Variants in OAT observed in about 807,000 individuals in gnomAD.
The protein encoded by OAT is ornithine aminotransferase, mitochondrial.
Under a neutral mutation model 48.4 loss-of-function variants are expected in OAT, and 35 were observed. The ratio of observed to expected loss-of-function variants is 0.72; its 90% CI spans 0.55 to 0.96. The LOEUF is 0.96. OAT is among the 40% of genes least tolerant of loss of function. The pLI, the probability that OAT is intolerant of heterozygous loss-of-function variation, is 0.00. For synonymous variants in OAT, 182 were observed against 198.4 expected, an observed-to-expected ratio of 0.92 and a Z score of 0.70; for missense variants, 438 against 537.9, an observed-to-expected ratio of 0.81 and a Z score of 1.84.
intron 1 of OAT, among the ~76,000 whole-genome samples, chr10:124,417,553 G>A (rs926175716): frequency 6.6e-6 from 1 of 152,096 alleles, no homozygotes; most frequent in African/African-American, 2.4e-5. Flanking sequence ...CCATAATACT[G>A]GGATTACACA....
chr10:124,403,031 G>C lies in OAT; in HGVS notation c.796C>G (p.Gln266Glu). The change falls in exon 7 of 10, where the codon CAG becomes GAG. Residue 266 changes from glutamine (Q) to glutamate (E), a missense_variant. Transcript: ENST00000368845. ...CTACCAGTTCTGGCCAATCCTGTCTGTATTTCATCAGCAATAAAGAGAACC... is the reference window on the plus strand; with the variant it reads ...CTACCAGTTCTGGCCAATCCTGTCTCTATTTCATCAGCAATAAAGAGAACC... ...HQVLFIADEIQTGLARTGRWL... is the reference protein window; with the variant it reads ...HQVLFIADEIETGLARTGRWL... 1 of 1,614,018 alleles carries C rather than the reference G, an allele frequency of 6.2e-7. No homozygotes were observed. Among genetic ancestry groups the C allele is most frequent in the Non-Finnish European group, 8.5e-7 (1 of 1,180,010 alleles).
chr10:124,412,881 G>A (rs1050718282), intron 1 of OAT, among the ~76,000 whole-genome samples: 4 of 152,164 alleles, frequency 2.6e-5, no homozygotes, highest in African/African-American at 9.7e-5. Flanking sequence ...TATTTGTTAA[G>A]CACCTACCAC....
intron 6 of OAT, 74 bp downstream of exon 6, chr10:124,403,724 G>A: frequency 2.5e-6 from 4 of 1,595,652 alleles, no homozygotes; most frequent in African/African-American, 1.3e-5. Flanking sequence ...AGGAGTTGGG[G>A]AGGAGCCCAT....
At chr10:124,408,337 ATATATATTT>A (rs376040884) in intron 4 of OAT, among the ~76,000 whole-genome samples, 196 bp downstream of exon 4, 1,593 of 103,352 alleles carry the variant, frequency 0.015, 32 homozygotes, top group African/African-American at 0.046. Context: ...ATATATATAT[ATATATATTT>A]TTTTTTTTTT....
At chr10:124,417,283 C>CA (rs1951947569) in intron 1 of OAT, among the ~76,000 whole-genome samples, 1 of 87,046 alleles carries the variant, frequency 1.1e-5, no homozygotes, top group African/African-American at 5.1e-5. Flanking sequence ...AAACTATAAG[C>CA]TTTTTTTTTT....
chr10:124,399,629 G>A lies in OAT; in HGVS notation c.1159+1211C>T, dbSNP rs562813165. On this transcript the variant is annotated intron_variant, in intron 9 of 9. Transcript: ENST00000368845. ...CAAAGTGCTGGGATTACAGGCATAA[G>A]ACACCGCGCCCGGCCCCTCAGGTGA... Among the ~76,000 whole-genome samples the A allele has an allele frequency of 1.1e-4, 16 of 152,134 alleles. No homozygotes were observed. The South Asian group carries it at 1.7e-3, about 16-fold the overall frequency.
chr10:124,408,186 TA>T (rs756003884), intron 4 of OAT, among the ~76,000 whole-genome samples: 34 of 151,678 alleles, frequency 2.2e-4, no homozygotes, highest in Non-Finnish European at 4.0e-4. Flanking sequence ...AGCAAATACG[TA>T]TCATGTACCA....
intron 9 of OAT, among the ~76,000 whole-genome samples, chr10:124,399,691 G>A (rs971231157): frequency 2.0e-5 from 3 of 152,064 alleles, no homozygotes; most frequent in Non-Finnish European, 2.9e-5. Context: ...GGTTGGAATC[G>A]TTGCTTTAAA....
chr10:124,410,463 T>G (rs936101528), intron 2 of OAT, among the ~76,000 whole-genome samples: 5 of 152,210 alleles, frequency 3.3e-5, no homozygotes, highest in African/African-American at 9.7e-5. Flanking sequence ...AGACTAATGG[T>G]GCTGTACCAG....
intron 7 of OAT, 37 bp from the exon 8 acceptor site, chr10:124,401,876 A>G: frequency 6.8e-7 from 1 of 1,465,224 alleles, no homozygotes; most frequent in Non-Finnish European, 9.5e-7. Flanking sequence ...ATTTCTCAGC[A>G]CTAAGCATTC....
intron 4 of OAT, chr10:124,406,939 G>T (rs1280160840): frequency 1.0e-6 from 1 of 984,392 alleles, no homozygotes; most frequent in Non-Finnish European, 1.2e-6. Flanking sequence ...GATAATTTCA[G>T]AGAGGATGAC....
At chr10:124,418,301 C>T (rs1462339882) in intron 1 of OAT, 1 of 152,290 alleles carries the variant, frequency 6.6e-6, no homozygotes, top group African/African-American at 2.4e-5. Context: ...AGGACCCAGC[C>T]CTCCAAGGCT....
At chr10:124,406,616 GACC>G (rs1180225385) in intron 4 of OAT, among the ~76,000 whole-genome samples, 1 of 151,988 alleles carries the variant, frequency 6.6e-6, no homozygotes, top group Non-Finnish European at 1.5e-5. Flanking sequence ...AGGAGTTCAA[GACC>G]AGCCTGGTTA....
In OAT at chr10:124,397,810, A is replaced by C; in HGVS notation, c.*132T>G. The C allele has an allele frequency of 1.0e-6, 1 of 993,476 alleles. No homozygotes were observed. Among genetic ancestry groups the C allele is most frequent in the Non-Finnish European group, 1.5e-6 (1 of 649,828 alleles). 61.5% of individuals were successfully genotyped at this position (993,476 alleles called of 1,614,324 possible). Reference sequence around the variant, plus strand: ...CGTTGTTCTATTATGTATCAACTGAAAAAAATATATTCAAAAAAAAAGTTT... The same window carrying C: ...CGTTGTTCTATTATGTATCAACTGACAAAAATATATTCAAAAAAAAAGTTT... On this transcript the variant is annotated 3_prime_UTR_variant, in exon 10 of 10. Coordinates refer to ENST00000368845, the MANE Select transcript of OAT (RefSeq NM_000274.4).
chr10:124,400,844 G>T lies in OAT; in HGVS notation c.1155C>A (p.Thr385=), dbSNP rs2134450152. The T allele has an allele frequency of 6.3e-7, 1 of 1,596,264 alleles. No homozygotes were observed. Residue 385 remains threonine (T), a synonymous_variant, in exon 9 of 10, where the codon ACC becomes ACA. Coordinates refer to ENST00000368845, the MANE Select transcript of OAT (RefSeq NM_000274.4). The part of the protein sequence containing the change: ...GLLNAIVIKE[T]KDWDAWKVCL... ...GTAAATGTTTTATCTCCATACCTTT[G>T]GTTTCTTTAATGACAATAGCGTTTA...
chr10:124,408,868 A>C lies in OAT; in HGVS notation c.297T>G (p.Asn99Lys), dbSNP rs530768910. 6.2e-7 allele frequency: 1 copy of C among 1,613,558 alleles called. No homozygotes were observed. The highest frequency in any genetic ancestry group is 2.2e-5 in the East Asian group (1 of 44,854). The change falls in exon 3 of 10, where the codon AAT (asparagine) becomes AAG (lysine). Residue 99 changes from asparagine to lysine, a missense_variant. By Grantham distance (94) the Asn-to-Lys change is moderately conservative. Transcript: ENST00000368845. ...ATTTGTCCACTTGACTCTTCAGAGC[A>C]TTCACAATCTTGGGGTGACAATGCC... ...NQGHCHPKIV[N>K]ALKSQVDKLT...
At chr10:124,411,815 CAAAAAAAAAAA>C (rs60176788) in intron 2 of OAT, among the ~76,000 whole-genome samples, 147 bp downstream of exon 2, 2 of 107,594 alleles carry the variant, frequency 1.9e-5, no homozygotes, top group African/African-American at 3.4e-5. Context: ...GACTCCGTCT[CAAAAAAAAAAA>C]AAAAAAAAGA....
At chr10:124,410,721 C>A (rs542911332) in intron 2 of OAT, among the ~76,000 whole-genome samples, 1 of 152,254 alleles carries the variant, frequency 6.6e-6, no homozygotes, top group South Asian at 2.1e-4. Context: ...TCACCTGAAG[C>A]CGGGAGTTCC....
In OAT at chr10:124,400,826, TTTTATCTCC is replaced by T; in HGVS notation, c.1159+5_1159+13del. ...CTTAAAAAATTATCTTGAGTAAATG[TTTTATCTCC>T]ATACCTTTGGTTTCTTTAATGACAA... On this transcript the variant is annotated splice_donor_5th_base_variant and intron_variant, in intron 9 of 9. Transcript: ENST00000368845. The T allele has an allele frequency of 6.4e-7, 1 of 1,570,524 alleles. No homozygotes were observed. The highest frequency in any genetic ancestry group is 8.7e-7 in the Non-Finnish European group (1 of 1,145,502).
Sources: allele counts gnomAD v4.1 joint callset (sites outside exome capture counted in the v4.1 genomes callset), GRCh38; gene constraint gnomAD v4.1.1; transcripts MANE v1.5; gene names NCBI Gene and HGNC (gene_info 2026-07-23, HGNC 2026-07-21).